PPP3CC: variants seen among roughly 807,000 people sequenced by gnomAD.
The protein encoded by PPP3CC is protein phosphatase 3 catalytic subunit gamma, also known as serine/threonine-protein phosphatase 2B catalytic subunit gamma isoform.
Under a neutral mutation model 60.3 loss-of-function variants are expected in PPP3CC, and 35 were observed. The observed-to-expected ratio is 0.58, with a 90% CI of 0.44 to 0.77. The LOEUF is 0.77. Among genes scored for constraint, PPP3CC ranks in the 30% least tolerant of loss-of-function variants. PPP3CC has a pLI of 0.00. For missense variants in PPP3CC, 570 were observed against 628.9 expected (o/e 0.91, Z 1.00); for synonymous variants, 206 against 224.3 (o/e 0.92, Z 0.73).
chr8:22,481,953 G>A (rs1838082982), intron 3 of PPP3CC, among the ~76,000 whole-genome samples: 1 of 152,084 alleles, frequency 6.6e-6, no homozygotes, highest in Non-Finnish European at 1.5e-5. Flanking sequence ...ATTTGGGTTG[G>A]TTCCAAGTCT....
intron 6 of PPP3CC, among the ~76,000 whole-genome samples, chr8:22,519,679 G>C (rs1839351713): frequency 6.6e-6 from 1 of 152,164 alleles, no homozygotes; most frequent in African/African-American, 2.4e-5. Context: ...TTTTGAGACA[G>C]GGTCTTGCTC....
At chr8:22,521,430 G>A (rs1037991627) in intron 6 of PPP3CC, among the ~76,000 whole-genome samples, 1 of 152,162 alleles carries the variant, frequency 6.6e-6, no homozygotes, top group South Asian at 2.1e-4. Flanking sequence ...CAAGGGACAG[G>A]CTGATTCTGG....
intron 4 of PPP3CC, 126 bp downstream of exon 4, chr8:22,498,238 C>A: frequency 3.8e-6 from 2 of 526,670 alleles, no homozygotes; most frequent in South Asian, 4.1e-5. Flanking sequence ...ATTTTTTTCA[C>A]CTGCAAAGAA....
At chr8:22,507,265 A>G (rs1213484380) in intron 4 of PPP3CC, among the ~76,000 whole-genome samples, 2 of 152,168 alleles carry the variant, frequency 1.3e-5, no homozygotes, top group Non-Finnish European at 2.9e-5. Context: ...TGTTTTGTTA[A>G]TGTTGTATTA....
chr8:22,525,945 A>C (rs1180168975), intron 8 of PPP3CC, among the ~76,000 whole-genome samples: 3 of 148,372 alleles, frequency 2.0e-5, no homozygotes, highest in African/African-American at 7.5e-5. Flanking sequence ...TTGGCTCACT[A>C]CAACCTCTGC....
chr8:22,537,659 T>C (rs1366314131), intron 12 of PPP3CC, among the ~76,000 whole-genome samples: 2 of 152,134 alleles, frequency 1.3e-5, no homozygotes, highest in African/African-American at 2.4e-5. Context: ...AAAAAAGCAA[T>C]TGTCCATAAA....
chr8:22,520,477 C>G (rs1037449561), intron 6 of PPP3CC, among the ~76,000 whole-genome samples: 3 of 152,110 alleles, frequency 2.0e-5, no homozygotes, highest in Non-Finnish European at 4.4e-5. Context: ...CCCATAAGTC[C>G]TGTATACTTT....
At chr8:22,483,268 T>A (rs1838122990) in intron 3 of PPP3CC, among the ~76,000 whole-genome samples, 1 of 152,164 alleles carries the variant, frequency 6.6e-6, no homozygotes. Flanking sequence ...GTCATTTTAT[T>A]TTTTTATTTT....
chr8:22,469,565 G>GA (rs796612012), intron 1 of PPP3CC, among the ~76,000 whole-genome samples: 28 of 147,280 alleles, frequency 1.9e-4, no homozygotes, highest in South Asian at 6.5e-4. Context: ...TAAAAAGAGG[G>GA]AAAAAAAAAA....
At chr8:22,535,364 C>T (rs1839820515) in intron 12 of PPP3CC, among the ~76,000 whole-genome samples, 1 of 152,230 alleles carries the variant, frequency 6.6e-6, no homozygotes, top group Non-Finnish European at 1.5e-5. Flanking sequence ...GGGTGACTAA[C>T]ACTAGGTATG....
At chr8:22,449,094 C>A (rs933721944) in intron 1 of PPP3CC, among the ~76,000 whole-genome samples, 1 of 151,730 alleles carries the variant, frequency 6.6e-6, no homozygotes, top group Admixed American at 6.6e-5. Flanking sequence ...TTGGGTGACA[C>A]AGTGAGCACC....
At chr8:22,441,671 A>C (rs1440372767) in intron 1 of PPP3CC, among the ~76,000 whole-genome samples, 1 of 151,698 alleles carries the variant, frequency 6.6e-6, no homozygotes, top group African/African-American at 2.4e-5. Context: ...GTCAGTGCCA[A>C]GTTCCCTCCC....
At chr8:22,515,268 C>T (rs1452671257) in intron 6 of PPP3CC, among the ~76,000 whole-genome samples, 1 of 152,196 alleles carries the variant, frequency 6.6e-6, no homozygotes, top group Non-Finnish European at 1.5e-5. Context: ...ATAATGACCT[C>T]CAGTTCCATT....
At chr8:22,462,017 A>G (rs1315193013) in intron 1 of PPP3CC, among the ~76,000 whole-genome samples, 2 of 152,170 alleles carry the variant, frequency 1.3e-5, no homozygotes, top group African/African-American at 4.8e-5. Flanking sequence ...GGAGGATCGC[A>G]TGAGGCCAGG....
intron 4 of PPP3CC, among the ~76,000 whole-genome samples, chr8:22,502,058 A>C (rs1838777250): frequency 6.6e-6 from 1 of 152,022 alleles, no homozygotes; most frequent in Admixed American, 6.6e-5. Context: ...ATAAATGTTC[A>C]CCTGATTAGA....
chr8:22,458,227 T>C (rs1375509759), intron 1 of PPP3CC, among the ~76,000 whole-genome samples: 3 of 152,248 alleles, frequency 2.0e-5, no homozygotes, highest in East Asian at 3.8e-4. Flanking sequence ...ACTGCTCTAG[T>C]ATTTTTTCCC....
chr8:22,443,286 G>T (rs909751242), intron 1 of PPP3CC, among the ~76,000 whole-genome samples: 2 of 152,108 alleles, frequency 1.3e-5, no homozygotes, highest in South Asian at 2.1e-4. Flanking sequence ...ACTTTGGAAG[G>T]CCCATATAGG....
intron 1 of PPP3CC, among the ~76,000 whole-genome samples, chr8:22,472,570 G>A (rs189379889): frequency 6.6e-6 from 1 of 152,216 alleles, no homozygotes; most frequent in African/African-American, 2.4e-5. Context: ...ACCTGCCTGA[G>A]GCTCTTGAGG....
chr8:22,525,491 C>CTTTCTTTCT (rs1188701681), intron 8 of PPP3CC, among the ~76,000 whole-genome samples: 3 of 128,548 alleles, frequency 2.3e-5, no homozygotes, highest in Admixed American at 8.4e-5. Context: ...GCTTCCTTTT[C>CTTTCTTTCT]TTCTTTCTTT....
Sources: allele counts gnomAD v4.1 joint callset (sites outside exome capture counted in the v4.1 genomes callset), GRCh38; gene constraint gnomAD v4.1.1; transcripts MANE v1.5; gene names NCBI Gene and HGNC (gene_info 2026-07-23, HGNC 2026-07-21).